Variants in ST3GAL3 observed in about 807,000 individuals in gnomAD.
ST3GAL3 encodes the protein CMP-N-acetylneuraminate-beta-1,4-galactoside alpha-2,3-sialyltransferase.
In ST3GAL3, 21 loss-of-function variants were observed where a neutral mutation model predicts 50.1. The ratio of observed to expected loss-of-function variants is 0.42; its 90% CI spans 0.30 to 0.60. ST3GAL3 has a LOEUF of 0.60. ST3GAL3 is among the 20% of genes least tolerant of loss of function. ST3GAL3 has a pLI of 0.19. For synonymous variants in ST3GAL3, 183 were observed against 190.0 expected, an observed-to-expected ratio of 0.96 and a Z score of 0.30; for missense variants, 353 against 489.4, an observed-to-expected ratio of 0.72 and a Z score of 2.63.
intron 2 of ST3GAL3, chr1:43,743,475 C>T (rs748226655): frequency 5.7e-5 from 23 of 402,722 alleles, no homozygotes; most frequent in Non-Finnish European, 9.0e-5. Flanking sequence ...TTAAGAGCAA[C>T]GATCATACTA....
intron 3 of ST3GAL3, among the ~76,000 whole-genome samples, chr1:43,812,157 G>C (rs1367832283): frequency 6.6e-6 from 1 of 152,180 alleles, no homozygotes; most frequent in Non-Finnish European, 1.5e-5. Flanking sequence ...TGAGCTGTCA[G>C]TCCACATAAT....
chr1:43,789,716 T>G (rs1229849938), intron 2 of ST3GAL3, among the ~76,000 whole-genome samples: 3 of 151,852 alleles, frequency 2.0e-5, no homozygotes, highest in East Asian at 3.9e-4. Context: ...TAAAAAAAAT[T>G]GAAAAGTTAG....
chr1:43,883,709 G>A (rs3791097), intron 5 of ST3GAL3, among the ~76,000 whole-genome samples: 1 of 152,120 alleles, frequency 6.6e-6, no homozygotes, highest in Non-Finnish European at 1.5e-5. Context: ...GGTGGGGAGG[G>A]TGCCAGGCTG....
intron 2 of ST3GAL3, among the ~76,000 whole-genome samples, chr1:43,775,935 T>TGGA (rs1697071387): frequency 6.6e-6 from 1 of 152,162 alleles, no homozygotes; most frequent in Non-Finnish European, 1.5e-5. Flanking sequence ...TTGTCCACAG[T>TGGA]CAGCCTCCAT....
chr1:43,801,946 T>C (rs1276696195), intron 3 of ST3GAL3, among the ~76,000 whole-genome samples: 2 of 152,072 alleles, frequency 1.3e-5, no homozygotes, highest in African/African-American at 4.8e-5. Flanking sequence ...AGTGGGACGA[T>C]CCGAGTTTGC....
chr1:43,769,448 G>A (rs1694264586), intron 2 of ST3GAL3, among the ~76,000 whole-genome samples: 1 of 152,172 alleles, frequency 6.6e-6, no homozygotes, highest in South Asian at 2.1e-4. Context: ...AACCGAGGAA[G>A]TAGCAGGATG....
chr1:43,921,788 G>A (rs1208618726), intron 11 of ST3GAL3: 1 of 398,676 alleles, frequency 2.5e-6, no homozygotes, highest in Non-Finnish European at 4.4e-6. Flanking sequence ...CCACAGAGGG[G>A]ACTCTGATCT....
intron 2 of ST3GAL3, among the ~76,000 whole-genome samples, chr1:43,758,427 A>G (rs1283553211): frequency 1.3e-5 from 2 of 151,804 alleles, no homozygotes; most frequent in Admixed American, 1.3e-4. Flanking sequence ...ATGTTTTTAA[A>G]TTTTTTGTAG....
intron 3 of ST3GAL3, among the ~76,000 whole-genome samples, chr1:43,809,299 T>C (rs1233678820): frequency 6.6e-6 from 1 of 151,758 alleles, no homozygotes; most frequent in East Asian, 1.9e-4. Flanking sequence ...AGGTGAAAAA[T>C]ACAGTGTCTG....
chr1:43,899,319 TGAGC>T lies in ST3GAL3; in HGVS notation c.557+57_557+60del. On this transcript the variant is annotated intron_variant, in intron 8 of 11. Coordinates refer to ENST00000347631, the MANE Select transcript of ST3GAL3 (RefSeq NM_006279.5). This position sits in a 1 kb window ranked among gnomAD's most constrained non-coding sequence, Gnocchi z 5.4. ...GTGTCGTGGCCCCAACCCTTAGTCC[TGAGC>T]CCATTGAGAACTGTCTGTCTGGCTA... The T allele has an allele frequency of 1.9e-6, 3 of 1,613,780 alleles. No individual in the cohort carries two copies. The highest frequency in any genetic ancestry group is 2.5e-6 in the Non-Finnish European group (3 of 1,179,872).
intron 9 of ST3GAL3, among the ~76,000 whole-genome samples, chr1:43,902,874 A>G (rs979555369): frequency 2.6e-5 from 4 of 152,182 alleles, no homozygotes; most frequent in Admixed American, 6.5e-5. Flanking sequence ...GGGAATACAA[A>G]GAGGAATTAA....
At chr1:43,792,632 G>A (rs2058216931) in intron 3 of ST3GAL3, among the ~76,000 whole-genome samples, 1 of 152,174 alleles carries the variant, frequency 6.6e-6, no homozygotes, top group African/African-American at 2.4e-5. Flanking sequence ...TTCCAGGAGA[G>A]GAGTACCACA....
chr1:43,808,258 C>G (rs1226184948), intron 3 of ST3GAL3, among the ~76,000 whole-genome samples: 2 of 147,460 alleles, frequency 1.4e-5, no homozygotes, highest in East Asian at 2.0e-4. Flanking sequence ...GAGCTGAGAT[C>G]ACGCCACTGC....
At chr1:43,890,273 TACAAAGAA>T (rs2076519054) in intron 5 of ST3GAL3, among the ~76,000 whole-genome samples, 1 of 152,196 alleles carries the variant, frequency 6.6e-6, no homozygotes, top group Admixed American at 6.5e-5. Context: ...CAAAATAGTA[TACAAAGAA>T]AGTGGATGGG....
At chr1:43,785,607 C>G (rs2057216941) in intron 2 of ST3GAL3, among the ~76,000 whole-genome samples, 1 of 152,168 alleles carries the variant, frequency 6.6e-6, no homozygotes, top group Admixed American at 6.5e-5. Flanking sequence ...TCTTGCTGCC[C>G]TCAACAGCAG....
chr1:43,857,491 CCTT>C (rs2068653828), intron 5 of ST3GAL3, among the ~76,000 whole-genome samples: 1 of 148,018 alleles, frequency 6.8e-6, no homozygotes, highest in Non-Finnish European at 1.5e-5. Context: ...TTCCTTCCTT[CCTT>C]CCTTCCCTCT....
intron 5 of ST3GAL3, among the ~76,000 whole-genome samples, chr1:43,849,848 G>C (rs1163692388): frequency 6.6e-6 from 1 of 152,206 alleles, no homozygotes; most frequent in East Asian, 1.9e-4. Context: ...CTCCCCTTTG[G>C]CATGCTGCTG....
At chr1:43,779,346 T>A (rs994179823) in intron 2 of ST3GAL3, among the ~76,000 whole-genome samples, 2 of 152,224 alleles carry the variant, frequency 1.3e-5, no homozygotes, top group Non-Finnish European at 1.5e-5. Context: ...CCTATCCTTA[T>A]AGGCTGTGTA....
chr1:43,866,874 G>C (rs1350428651), intron 5 of ST3GAL3, among the ~76,000 whole-genome samples: 1 of 152,194 alleles, frequency 6.6e-6, no homozygotes, highest in Non-Finnish European at 1.5e-5. Flanking sequence ...GCTCATGCCT[G>C]TAATCCCAGC....
Sources: allele counts gnomAD v4.1 joint callset (sites outside exome capture counted in the v4.1 genomes callset), GRCh38; gene constraint gnomAD v4.1.1; non-coding constraint Gnocchi (gnomAD v3.1); transcripts MANE v1.5; gene names NCBI Gene and HGNC (gene_info 2026-07-23, HGNC 2026-07-21).